IGBP1: variants seen among roughly 807,000 people sequenced by gnomAD.
IGBP1 encodes immunoglobulin-binding protein 1.
Under a neutral mutation model 25.9 loss-of-function variants are expected in IGBP1, and 2 were observed. That is an observed-to-expected ratio of 0.08 (90% CI 0.03 to 0.24). The LOEUF (loss-of-function observed/expected upper bound fraction) is 0.24. Ranked by LOEUF, IGBP1 falls within the 10% of genes least tolerant of loss-of-function variation. IGBP1 has a pLI of 1.00. For missense variants in IGBP1, 187 were observed against 260.4 expected, an observed-to-expected ratio of 0.72 and a Z score of 1.94; for synonymous variants, 96 against 93.4, an observed-to-expected ratio of 1.03 and a Z score of -0.16.
chrX:70,161,885 G>T, intron 6 of IGBP1, among the ~76,000 whole-genome samples: 1 of 111,430 alleles, frequency 9.0e-6, no homozygotes, highest in Admixed American at 9.6e-5. Flanking sequence ...GGGAGAACTT[G>T]GGCAGGAAAG....
At chrX:70,158,941 CAG>C (rs1258172929) in intron 6 of IGBP1, among the ~76,000 whole-genome samples, 1 of 111,966 alleles carries the variant, frequency 8.9e-6, no homozygotes, top group Non-Finnish European at 1.9e-5. Context: ...AAAAAGGGAA[CAG>C]AAAATTATCA....
intron 6 of IGBP1, among the ~76,000 whole-genome samples, chrX:70,156,359 T>C (rs1346192936): frequency 9.2e-6 from 1 of 109,234 alleles, no homozygotes; most frequent in African/African-American, 3.3e-5. Flanking sequence ...AGGTATGCCT[T>C]CACCTTCTTT....
intron 6 of IGBP1, among the ~76,000 whole-genome samples, chrX:70,158,141 A>G (rs1200092295): frequency 8.9e-6 from 1 of 112,059 alleles, no homozygotes; most frequent in Admixed American, 9.5e-5. Context: ...TGGCAGTCCA[A>G]TTTAAGAACT....
chrX:70,147,792 G>C (rs967495955), intron 4 of IGBP1, among the ~76,000 whole-genome samples: 2 of 111,976 alleles, frequency 1.8e-5, no homozygotes, highest in Non-Finnish European at 3.8e-5. Flanking sequence ...GACACAACAT[G>C]AATTGGGTTG....
chrX:70,148,374 C>T (rs769514349), intron 4 of IGBP1, among the ~76,000 whole-genome samples: 1 of 111,820 alleles, frequency 8.9e-6, no homozygotes, highest in Non-Finnish European at 1.9e-5. Flanking sequence ...TTAGAAGGGT[C>T]GTAGTGATTC....
intron 6 of IGBP1, among the ~76,000 whole-genome samples, chrX:70,152,791 A>C (rs1019851960): frequency 4.5e-5 from 5 of 111,665 alleles, no homozygotes; most frequent in Non-Finnish European, 7.5e-5. Context: ...AATAGAAATT[A>C]TCCAATTTGA....
At position 70,133,813 on chromosome X, in the gene IGBP1, G is replaced by T; in HGVS notation, c.-135G>T. ...TAACAGCGGCTCCCGGAAGTCCTTT[G>T]ATGCTTTGTTAACAGTGAAGCTACT... On this transcript the variant is annotated 5_prime_UTR_variant, in exon 2 of 7. Transcript: ENST00000356413. 5.4e-6 allele frequency: 3 copies of T among 553,045 alleles called. No individual in the cohort carries two copies. Among genetic ancestry groups the T allele is most frequent in the Non-Finnish European group, 3.0e-6 (1 of 337,263 alleles). The allele number at this position is 553,045 out of a possible 1,213,427, so 45.6% of individuals were successfully genotyped here. A position where few individuals can be genotyped will look rare whatever the true frequency, so the allele number is the denominator to read the frequency against.
At chrX:70,146,327 A>G (rs2085166343) in intron 3 of IGBP1, among the ~76,000 whole-genome samples, 1 of 110,433 alleles carries the variant, frequency 9.1e-6, no homozygotes, top group Non-Finnish European at 1.9e-5. Flanking sequence ...CACCCACCCT[A>G]GTAAAGGCCA....
chrX:70,150,629 A>G (rs1357615511), intron 6 of IGBP1, among the ~76,000 whole-genome samples: 1 of 112,065 alleles, frequency 8.9e-6, no homozygotes, highest in African/African-American at 3.2e-5. Flanking sequence ...AGGTTGTATC[A>G]GGCCAGCCCC....
intron 3 of IGBP1, among the ~76,000 whole-genome samples, chrX:70,136,698 TTTATTATTATTA>T (rs58340348): frequency 8.2e-5 from 8 of 98,008 alleles, no homozygotes; most frequent in Admixed American, 2.1e-4. Context: ...TTCTTTTTTC[TTTATTATTATTA>T]TTATTATTAT....
intron 3 of IGBP1, among the ~76,000 whole-genome samples, chrX:70,137,313 G>A (rs1041532751): frequency 9.0e-6 from 1 of 111,195 alleles, no homozygotes; most frequent in Admixed American, 9.6e-5. Flanking sequence ...AGAGAAGATC[G>A]GGGAAGGGGA....
At chrX:70,137,834 A>G (rs2085105338) in intron 3 of IGBP1, among the ~76,000 whole-genome samples, 1 of 109,219 alleles carries the variant, frequency 9.2e-6, no homozygotes, top group Admixed American at 9.8e-5. Context: ...AAGGTTTCAG[A>G]ACATAATGGC....
At chrX:70,149,018 C>T (rs954786389) in intron 5 of IGBP1, 178 bp downstream of exon 5, 5 of 441,532 alleles carry the variant, frequency 1.1e-5, no homozygotes, top group Non-Finnish European at 2.0e-5. Flanking sequence ...CACCTGAGGT[C>T]GGGAGTTCGA....
At chrX:70,140,845 A>G (rs1164506308) in intron 3 of IGBP1, among the ~76,000 whole-genome samples, 5 of 112,056 alleles carry the variant, frequency 4.5e-5, no homozygotes, top group African/African-American at 1.6e-4. Context: ...ACAACTGGAT[A>G]GTCATTTCCA....
intron 4 of IGBP1, among the ~76,000 whole-genome samples, chrX:70,148,122 G>C (rs1015970899): frequency 2.7e-5 from 3 of 111,682 alleles, no homozygotes; most frequent in Non-Finnish European, 5.6e-5. Context: ...GTTTTAATGT[G>C]CTTTCATGTG....
intron 3 of IGBP1, among the ~76,000 whole-genome samples, chrX:70,139,760 C>T (rs1007353714): frequency 1.8e-5 from 2 of 111,849 alleles, no homozygotes; most frequent in African/African-American, 6.5e-5. Flanking sequence ...CCTTCTATTT[C>T]TCTCCATCTC....
At chrX:70,142,363 G>A (rs1342934906) in intron 3 of IGBP1, among the ~76,000 whole-genome samples, 7 of 110,802 alleles carry the variant, frequency 6.3e-5, no homozygotes, top group Non-Finnish European at 1.1e-4. Flanking sequence ...CATTTGAAAG[G>A]GTAGAAAAAT....
chrX:70,142,455 C>A (rs1480042977), intron 3 of IGBP1, among the ~76,000 whole-genome samples: 1 of 111,239 alleles, frequency 9.0e-6, no homozygotes, highest in African/African-American at 3.3e-5. Flanking sequence ...GGAGGATGAT[C>A]AATAAATAGA....
At chrX:70,137,774 T>C (rs1274712702) in intron 3 of IGBP1, among the ~76,000 whole-genome samples, 2 of 95,808 alleles carry the variant, frequency 2.1e-5, no homozygotes, top group Non-Finnish European at 2.1e-5. Context: ...AAAAAAAAAC[T>C]GCAAGAGAAA....
Sources: gnomAD v4.1 joint callset for allele counts (sites outside exome capture counted in the v4.1 genomes callset) on GRCh38, gnomAD v4.1.1 for gene constraint, MANE v1.5 for transcripts, NCBI Gene and HGNC (gene_info 2026-07-23, HGNC 2026-07-21) for gene names.